Variants in PTPRD observed in about 807,000 individuals in gnomAD.
The protein encoded by PTPRD is receptor-type tyrosine-protein phosphatase delta.
In PTPRD, 34 loss-of-function variants were observed where a neutral mutation model predicts 214.5. The ratio of observed to expected loss-of-function variants is 0.16; its 90% CI spans 0.12 to 0.21. The LOEUF (loss-of-function observed/expected upper bound fraction) is 0.21, where lower values mean the gene tolerates loss of function less well. PTPRD is among the 10% of genes least tolerant of loss of function. The pLI is 1.00. For missense variants in PTPRD, 2,545 were observed against 2,398.7 expected (o/e 1.06, Z -1.27); for synonymous variants, 1,128 against 845.7 (o/e 1.33, Z -5.79).
chr9:10,119,208 T>C (rs1286512466), intron 3 of PTPRD, among the ~76,000 whole-genome samples: 1 of 151,938 alleles, frequency 6.6e-6, no homozygotes, highest in African/African-American at 2.4e-5. Context: ...CCCCCCTTTT[T>C]TAACTATTAC....
intron 26 of PTPRD, among the ~76,000 whole-genome samples, chr9:8,496,000 T>C (rs181945605): frequency 6.6e-5 from 10 of 152,282 alleles, no homozygotes; most frequent in African/African-American, 2.2e-4. Flanking sequence ...TATTATATTA[T>C]AGTTTACCTC....
chr9:8,453,594 C>T (rs1005389639), intron 33 of PTPRD, among the ~76,000 whole-genome samples: 2 of 152,126 alleles, frequency 1.3e-5, no homozygotes, highest in African/African-American at 4.8e-5. Context: ...AAGAAGACAC[C>T]CTCATAGAGG....
At chr9:9,116,019 G>A (rs1244919041) in intron 10 of PTPRD, among the ~76,000 whole-genome samples, 3 of 151,970 alleles carry the variant, frequency 2.0e-5, no homozygotes, top group Non-Finnish European at 4.4e-5. Context: ...CTAAACATTG[G>A]ATACACATGG....
At chr9:10,535,264 G>A (rs1314316806) in intron 2 of PTPRD, among the ~76,000 whole-genome samples, 2 of 152,082 alleles carry the variant, frequency 1.3e-5, no homozygotes, top group African/African-American at 4.8e-5. Context: ...AAAAAATTGA[G>A]GGGAAAAGTC....
At chr9:8,755,004 G>A (rs1014416557) in intron 11 of PTPRD, among the ~76,000 whole-genome samples, 3 of 152,158 alleles carry the variant, frequency 2.0e-5, no homozygotes, top group Middle Eastern at 3.4e-3. Flanking sequence ...ATCAAAATGA[G>A]AAACCACTCC....
intron 10 of PTPRD, among the ~76,000 whole-genome samples, chr9:9,098,114 A>T (rs775268402): frequency 6.6e-6 from 1 of 152,006 alleles, no homozygotes; most frequent in African/African-American, 2.4e-5. Context: ...AAAATTAGCA[A>T]ATGTTCATTA....
chr9:9,372,940 T>C (rs1476182932), intron 9 of PTPRD, among the ~76,000 whole-genome samples: 1 of 152,032 alleles, frequency 6.6e-6, no homozygotes, highest in Admixed American at 6.6e-5. Flanking sequence ...ACTCTCCATT[T>C]TGAGAAACCT....
chr9:8,796,580 T>C (rs536114657), intron 11 of PTPRD, among the ~76,000 whole-genome samples: 1 of 152,300 alleles, frequency 6.6e-6, no homozygotes, highest in South Asian at 2.1e-4. Flanking sequence ...TCTGCAGTTA[T>C]CTGTGGCTTT....
chr9:8,504,689 G>A (rs1429167150), intron 22 of PTPRD, among the ~76,000 whole-genome samples: 2 of 152,200 alleles, frequency 1.3e-5, no homozygotes, highest in Non-Finnish European at 2.9e-5. Context: ...CGAAGATTGA[G>A]AGGCCAACAC....
At chr9:10,232,858 A>G (rs1405117191) in intron 3 of PTPRD, among the ~76,000 whole-genome samples, 3 of 152,014 alleles carry the variant, frequency 2.0e-5, no homozygotes, top group Admixed American at 1.3e-4. Context: ...TTACAGCTCA[A>G]ATGTCAACTA....
At chr9:9,352,327 A>ATG (rs1055505531) in intron 9 of PTPRD, among the ~76,000 whole-genome samples, 3,747 of 68,358 alleles carry the variant, frequency 0.055, 64 homozygotes, top group Middle Eastern at 0.094. Context: ...ATATATATAT[A>ATG]TGTGTGTGTG....
At chr9:10,241,392 T>C (rs1041666657) in intron 3 of PTPRD, among the ~76,000 whole-genome samples, 13 of 152,060 alleles carry the variant, frequency 8.5e-5, no homozygotes, top group African/African-American at 3.1e-4. Context: ...TTCAAAGACT[T>C]GTAAATAAAC....
chr9:8,824,834 T>G (rs1330080299), intron 11 of PTPRD, among the ~76,000 whole-genome samples: 1 of 152,196 alleles, frequency 6.6e-6, no homozygotes, highest in Non-Finnish European at 1.5e-5. Flanking sequence ...TAGAAACAAC[T>G]AATGAGACTA....
chr9:10,232,996 A>C (rs2099616842), intron 3 of PTPRD, among the ~76,000 whole-genome samples: 1 of 152,050 alleles, frequency 6.6e-6, no homozygotes, highest in Admixed American at 6.6e-5. Context: ...AACAAACTTA[A>C]AACAAGCATC....
intron 9 of PTPRD, among the ~76,000 whole-genome samples, chr9:9,308,949 T>A (rs1398004106): frequency 6.6e-6 from 1 of 152,080 alleles, no homozygotes; most frequent in Non-Finnish European, 1.5e-5. Flanking sequence ...TACTAGCACA[T>A]TTTCCAGAAA....
At chr9:9,961,858 G>A (rs774586014) in intron 4 of PTPRD, among the ~76,000 whole-genome samples, 1 of 152,064 alleles carries the variant, frequency 6.6e-6, no homozygotes, top group Non-Finnish European at 1.5e-5. Context: ...TCTCTTATTA[G>A]TCATGGTATT....
At chr9:10,459,214 C>T (rs1330465177) in intron 2 of PTPRD, among the ~76,000 whole-genome samples, 1 of 152,136 alleles carries the variant, frequency 6.6e-6, no homozygotes, top group Admixed American at 6.5e-5. Context: ...CATGTCCCTG[C>T]AAAAGACATG....
At chr9:9,457,400 A>G (rs1044346454) in intron 8 of PTPRD, among the ~76,000 whole-genome samples, 2 of 152,044 alleles carry the variant, frequency 1.3e-5, no homozygotes, top group African/African-American at 4.8e-5. Flanking sequence ...ACTAAGTATA[A>G]GAATTAATTG....
At chr9:10,532,537 G>A (rs1393696399) in intron 2 of PTPRD, 1 of 148,884 alleles carries the variant, frequency 6.7e-6, no homozygotes, top group Non-Finnish European at 1.5e-5. Context: ...GACTTCTGTT[G>A]AATGTGGTTG....
Sources: allele counts gnomAD v4.1 joint callset (sites outside exome capture counted in the v4.1 genomes callset), GRCh38; gene constraint gnomAD v4.1.1; transcripts MANE v1.5; gene names NCBI Gene and HGNC (gene_info 2026-07-23, HGNC 2026-07-21).